Variants in EXOC7 observed in about 807,000 individuals in gnomAD.
The protein encoded by EXOC7 is exocyst complex component Exo70.
EXOC7 carries 51 observed loss-of-function variants against 87.6 expected under a neutral mutation model. That is an observed-to-expected ratio of 0.58 (90% CI 0.46 to 0.73). The LOEUF is 0.73. Ranked by LOEUF, EXOC7 falls within the 30% of genes least tolerant of loss-of-function variation. The pLI is 0.00. For synonymous variants in EXOC7, 327 were observed against 357.1 expected, an observed-to-expected ratio of 0.92 and a Z score of 0.95; for missense variants, 744 against 888.4, an observed-to-expected ratio of 0.84 and a Z score of 2.07.
At chr17:76,100,046 A>G (rs914892342) in intron 4 of EXOC7, among the ~76,000 whole-genome samples, 1 of 152,156 alleles carries the variant, frequency 6.6e-6, no homozygotes, top group African/African-American at 2.4e-5. Flanking sequence ...AGGCTGCAGT[A>G]GCTATGGTTG....
intron 6 of EXOC7, chr17:76,092,369 A>C (rs2067535305): frequency 7.2e-6 from 1 of 139,478 alleles, no homozygotes; most frequent in Non-Finnish European, 1.5e-5. Context: ...ACCTCGGCTC[A>C]CTGCAACCTC....
chr17:76,099,400 G>C (rs1381005530), intron 4 of EXOC7, among the ~76,000 whole-genome samples: 2 of 152,098 alleles, frequency 1.3e-5, no homozygotes, highest in South Asian at 4.2e-4. Context: ...CCAGCTACTC[G>C]GGAGGCTGGG....
In EXOC7 at chr17:76,088,941, C is replaced by G; in HGVS notation, c.1048-18G>C. 1 of 1,608,956 alleles carries G rather than the reference C, an allele frequency of 6.2e-7. No individual in the cohort carries two copies. The highest frequency in any genetic ancestry group is 1.3e-5 in the African/African-American group (1 of 74,806). ...AGGGCATCCTGAGGGGGCAGGGAGACAGTTCAGGGAAGGGTGGGGCGGTGG... is the reference window on the plus strand; with the variant it reads ...AGGGCATCCTGAGGGGGCAGGGAGAGAGTTCAGGGAAGGGTGGGGCGGTGG... On this transcript the variant is annotated intron_variant, in intron 8 of 18. Transcript: ENST00000589210.
Position 76,089,243 on chromosome 17 carries a change from C to T in EXOC7, c.979G>A (p.Glu327Lys), listed in dbSNP as rs752743393. The change falls in exon 8 of 19, where the codon GAG (glutamate) becomes AAG (lysine). Residue 327 changes from glutamate (E) to lysine (K), a missense_variant. By Grantham distance (56) the Glu-to-Lys change is moderately conservative. Coordinates refer to ENST00000589210, the MANE Select transcript of EXOC7 (RefSeq NM_001013839.4). The stretch of plus-strand genomic sequence containing the variant: ...ATGATGTCGGCCAGCAGCTGGTACT[C>T]GCTCTGCGCCAGCTTGACGAAGGCA... ...VSAFVKLAQS[E>K]YQLLADIIPE... 1 of 1,614,102 alleles carries T rather than the reference C, an allele frequency of 6.2e-7. No homozygotes were observed.
Position 76,085,669 on chromosome 17 carries a change from C to T in EXOC7, c.1616+8G>A, listed in dbSNP as rs1364860196. ...AGAGCCGCAGACTCACTCCCGCAGG[C>T]CACTTACTTCTCCAGGGACTTGAGG... is the stretch of plus-strand genomic sequence containing the variant. On this transcript the variant is annotated splice_region_variant and intron_variant, in intron 14 of 18. Coordinates refer to ENST00000589210, the MANE Select transcript of EXOC7 (RefSeq NM_001013839.4). The T allele has an allele frequency of 6.2e-7, 1 of 1,614,032 alleles. No homozygotes were observed. Among genetic ancestry groups the T allele is most frequent in the Admixed American group, 1.7e-5 (1 of 60,032 alleles).
In EXOC7 at chr17:76,084,228, G is replaced by A; in HGVS notation, c.1818+20C>T. On this transcript the variant is annotated intron_variant, in intron 17 of 18. Transcript: ENST00000589210. ...TCAACAGCAGCAGCAAGCAGTGGAGGGGAGAGGACCCCGACTCACCTTAAA... is the reference window on the plus strand; with the variant it reads ...TCAACAGCAGCAGCAAGCAGTGGAGAGGAGAGGACCCCGACTCACCTTAAA... The A allele has an allele frequency of 6.2e-7, 1 of 1,609,646 alleles. No homozygotes were observed. The highest frequency in any genetic ancestry group is 8.5e-7 in the Non-Finnish European group (1 of 1,176,880).
chr17:76,086,791 C>G, intron 12 of EXOC7: 1 of 1,469,606 alleles, frequency 6.8e-7, no homozygotes, highest in Non-Finnish European at 9.3e-7. Context: ...AGTCAGTCCC[C>G]AGGGAACCTC....
chr17:76,089,411 AC>A, intron 7 of EXOC7, 91 bp from the exon 8 acceptor site: 3 of 1,502,890 alleles, frequency 2.0e-6, no homozygotes, highest in Non-Finnish European at 2.7e-6. Flanking sequence ...CCTGGCCTGT[AC>A]CCCACACTGG....
Position 76,084,992 on chromosome 17 carries a change from C to A in EXOC7, c.1712+322G>T, listed in dbSNP as rs148524091. 243 of 462,184 alleles carry A rather than the reference C, an allele frequency of 5.3e-4. 1 individual carries two copies. The highest frequency in any genetic ancestry group is 4.2e-3 in the African/African-American group (214 of 51,272). The allele number at this position is 462,184 out of a possible 1,614,324, so 28.6% of individuals were successfully genotyped here. ...ATCCTCACAGAGCAAGGCTCAGCCA[C>A]GTTCAAGTGCTCTCGCGACCTTGCT... On this transcript the variant is annotated intron_variant, in intron 15 of 18. Coordinates refer to ENST00000589210, the MANE Select transcript of EXOC7 (RefSeq NM_001013839.4).
chr17:76,100,547 C>CA (rs2144700967), intron 4 of EXOC7, among the ~76,000 whole-genome samples: 1 of 151,442 alleles, frequency 6.6e-6, no homozygotes, highest in Admixed American at 6.6e-5. Context: ...GCAGGGGAAT[C>CA]ACTTGAACCT....
intron 7 of EXOC7, 90 bp downstream of exon 7, chr17:76,091,053 C>T (rs1209235655): frequency 4.3e-6 from 5 of 1,169,636 alleles, no homozygotes; most frequent in Admixed American, 3.5e-5. Context: ...GGGTTTCTCC[C>T]GAGGCCCTCC....
At chr17:76,094,103 CGT>C (rs2067629056) in intron 6 of EXOC7, 3 of 257,138 alleles carry the variant, frequency 1.2e-5, no homozygotes, top group Non-Finnish European at 2.2e-5. Context: ...GACAGGGCGA[CGT>C]GTGTGTGAGG....
chr17:76,103,018 C>T (rs2068149360), intron 2 of EXOC7: 1 of 250,852 alleles, frequency 4.0e-6, no homozygotes. Flanking sequence ...AAGTGCCAAC[C>T]TCCTGGGCAG....
chr17:76,097,672 C>T (rs1457439416), intron 5 of EXOC7, 124 bp downstream of exon 5: 23 of 676,694 alleles, frequency 3.4e-5, no homozygotes, highest in Middle Eastern at 4.5e-4. Flanking sequence ...CCATTGCACT[C>T]CAGCATGGGC....
intron 11 of EXOC7, 102 bp downstream of exon 11, chr17:76,087,958 T>TG: frequency 7.2e-7 from 1 of 1,381,988 alleles, no homozygotes; most frequent in Non-Finnish European, 1.0e-6. Flanking sequence ...CGAGCGGCTC[T>TG]GGGCCAGGCT....
At chr17:76,085,166 C>A in intron 15 of EXOC7, 148 bp downstream of exon 15, 1 of 688,222 alleles carries the variant, frequency 1.5e-6, no homozygotes, top group Non-Finnish European at 2.5e-6. Context: ...CTCTCCACCC[C>A]GTGAGTTTGA....
At chr17:76,094,634 T>C in intron 5 of EXOC7, 53 bp from the exon 6 acceptor site, 5 of 1,557,126 alleles carry the variant, frequency 3.2e-6, no homozygotes, top group Non-Finnish European at 4.4e-6. Flanking sequence ...GTCTCTGCCT[T>C]GCAGACCCAC....
chr17:76,100,533 T>C (rs978911369), intron 4 of EXOC7, among the ~76,000 whole-genome samples: 5 of 150,970 alleles, frequency 3.3e-5, no homozygotes, highest in African/African-American at 1.2e-4. Flanking sequence ...CTCAGGAGGC[T>C]GAGGCAGGGG....
rs2067012815 is a variant in EXOC7 at position 76,082,228 on chromosome 17, C to A, written c.*1420G>T. 1.2e-6 allele frequency: 1 copy of A among 841,184 alleles called. No homozygotes were observed. Among genetic ancestry groups the A allele is most frequent in the Non-Finnish European group, 1.8e-6 (1 of 557,942 alleles). The allele number at this position is 841,184 out of a possible 1,614,324, so 52.1% of individuals were successfully genotyped here. A position where few individuals can be genotyped will look rare whatever the true frequency, so the allele number is the denominator to read the frequency against. On this transcript the variant is annotated 3_prime_UTR_variant, in exon 19 of 19. Coordinates refer to ENST00000589210, the MANE Select transcript of EXOC7 (RefSeq NM_001013839.4). ...AAACAGGTCTGGGGCAGGGAGCAAG[C>A]TGAGCCTCCCTGAAGTCCCAGGTGA...
Sources: gnomAD v4.1 joint callset for allele counts (sites outside exome capture counted in the v4.1 genomes callset) on GRCh38, gnomAD v4.1.1 for gene constraint, MANE v1.5 for transcripts, NCBI Gene and HGNC (gene_info 2026-07-23, HGNC 2026-07-21) for gene names.